The following SNRPN variants were observed in gnomAD, a reference collection of about 807,000 sequenced individuals.
SNRPN encodes small nuclear ribonucleoprotein polypeptide N, also known as small nuclear ribonucleoprotein-associated protein N.
Under a neutral mutation model 25.2 loss-of-function variants are expected in SNRPN, and 7 were observed. The observed-to-expected ratio is 0.28, with a 90% confidence interval of 0.16 to 0.52. The LOEUF (loss-of-function observed/expected upper bound fraction) is 0.52, where lower values mean the gene tolerates loss of function less well. Among genes scored for constraint, SNRPN ranks in the 20% least tolerant of loss-of-function variants. SNRPN has a pLI of 0.96. For synonymous variants in SNRPN, 124 were observed against 110.6 expected, an observed-to-expected ratio of 1.12 and a Z score of -0.76; for missense variants, 196 against 322.5, an observed-to-expected ratio of 0.61 and a Z score of 3.00.
chr15:24,864,339 C>CTTTTTTTTT (rs58622804), intron 1 of SNRPN, among the ~76,000 whole-genome samples: 2 of 117,266 alleles, frequency 1.7e-5, no homozygotes, highest in Non-Finnish European at 3.5e-5. Flanking sequence ...CTCTTCTTTT[C>CTTTTTTTTT]TTTTTTTTTT....
intron 1 of SNRPN, among the ~76,000 whole-genome samples, chr15:24,858,693 C>T (rs937187351): frequency 6.6e-6 from 1 of 151,524 alleles, no homozygotes; most frequent in African/African-American, 2.4e-5. Context: ...CCCAGCTACT[C>T]GGGAGGCTGA....
intron 2 of SNRPN, among the ~76,000 whole-genome samples, chr15:24,966,210 A>G (rs2075606707): frequency 6.6e-6 from 1 of 152,086 alleles, no homozygotes; most frequent in South Asian, 2.1e-4. Flanking sequence ...AGGTCCTACT[A>G]TTTTCTCAGA....
intron 2 of SNRPN, among the ~76,000 whole-genome samples, chr15:24,847,033 G>A (rs935739379): frequency 6.6e-6 from 1 of 151,994 alleles, no homozygotes; most frequent in Non-Finnish European, 1.5e-5. Context: ...GTATTTTCAG[G>A]GTAGAAGCTC....
intron 3 of SNRPN, among the ~76,000 whole-genome samples, chr15:24,925,826 C>T (rs2060341959): frequency 1.3e-5 from 2 of 152,000 alleles, no homozygotes; most frequent in African/African-American, 4.8e-5. Flanking sequence ...ACTGCAAGCT[C>T]TGCCTCCCAG....
intron 1 of SNRPN, among the ~76,000 whole-genome samples, chr15:24,884,481 G>A (rs551066867): frequency 6.6e-6 from 1 of 152,292 alleles, no homozygotes; most frequent in African/African-American, 2.4e-5. Flanking sequence ...AATTCAGGAA[G>A]GCATGAAGTG....
chr15:24,922,800 G>A (rs1463841267), intron 3 of SNRPN, among the ~76,000 whole-genome samples: 1 of 145,474 alleles, frequency 6.9e-6, no homozygotes, highest in Non-Finnish European at 1.5e-5. Flanking sequence ...TTCTCACTGT[G>A]TATGTATACA....
chr15:24,909,763 T>C (rs878901177), intron 2 of SNRPN: 1 of 1,296,786 alleles, frequency 7.7e-7, no homozygotes, highest in Non-Finnish European at 1.1e-6. Flanking sequence ...ATCATCGTCT[T>C]CTAAATTTCA....
At chr15:24,832,623 C>A (rs2050636410) in intron 2 of SNRPN, among the ~76,000 whole-genome samples, 1 of 151,910 alleles carries the variant, frequency 6.6e-6, no homozygotes, top group African/African-American at 2.4e-5. Context: ...CGCTGGGGTC[C>A]CTTTCCACGC....
At chr15:24,832,617 G>A (rs762772636) in intron 2 of SNRPN, among the ~76,000 whole-genome samples, 4 of 151,976 alleles carry the variant, frequency 2.6e-5, no homozygotes, top group Non-Finnish European at 4.4e-5. Context: ...ACAATCCGCT[G>A]GGGTCCCTTT....
At chr15:24,849,216 C>A (rs1436920629) in intron 2 of SNRPN, 1 of 152,318 alleles carries the variant, frequency 6.6e-6, no homozygotes, top group African/African-American at 2.4e-5. Context: ...CAGGCGTGAG[C>A]CACCGCGCTC....
At chr15:24,873,511 A>G (rs577642495) in intron 1 of SNRPN, among the ~76,000 whole-genome samples, 11 of 146,482 alleles carry the variant, frequency 7.5e-5, no homozygotes, top group South Asian at 6.8e-4. Context: ...GCAGTGGTGC[A>G]ATCTTGGCTC....
intron 2 of SNRPN, among the ~76,000 whole-genome samples, chr15:24,887,038 A>G (rs1048703300): frequency 1.3e-5 from 2 of 152,042 alleles, no homozygotes; most frequent in Non-Finnish European, 2.9e-5. Context: ...AGCACTTGGC[A>G]TAGTTACTGA....
At position 24,919,027 on chromosome 15, in the gene SNRPN, A is replaced by G. The variant is rs112454055; in HGVS notation, c.-504-984A>G. On this transcript the variant is annotated intron_variant, in intron 2 of 11. Coordinates refer to the SNRPN transcript ENST00000400097. ...TATATAACATAATATATATGTGCGC[A>G]TATATATATAACATAATATATATGT... Among the ~76,000 whole-genome samples, 245 of 110,946 alleles carry G rather than the reference A, an allele frequency of 2.2e-3. 11 individuals are homozygous for G. The highest frequency in any genetic ancestry group is 0.017 in the Middle Eastern group (3 of 180). The allele number at this position is 110,946 out of a possible 152,430, so 72.8% of individuals were successfully genotyped here. A position where few individuals can be genotyped will look rare whatever the true frequency, so the allele number is the denominator to read the frequency against.
At position 24,974,201 on chromosome 15, in the gene SNRPN, AG is replaced by A. The variant is rs1180460257; in HGVS notation, c.-143-108del. ...CCCTTGGTGAGGAAGCTAGTATGAGAGGAAGGATGTTTTTGAACGTGTCTGT... is the reference window on the plus strand; with the variant it reads ...CCCTTGGTGAGGAAGCTAGTATGAGAGAAGGATGTTTTTGAACGTGTCTGT... On this transcript the variant is annotated intron_variant, in intron 3 of 9. Transcript: ENST00000390687. 1.1e-5 allele frequency: 6 copies of A among 522,406 alleles called. No homozygotes were observed. In the Middle Eastern group the frequency reaches 1.1e-3, roughly 92 times the overall value. 32.4% of individuals were successfully genotyped at this position (522,406 alleles called of 1,614,324 possible). A position where few individuals can be genotyped will look rare whatever the true frequency, so the allele number is the denominator to read the frequency against.
intron 1 of SNRPN, among the ~76,000 whole-genome samples, chr15:24,865,843 G>A (rs879745680): frequency 6.6e-6 from 1 of 152,044 alleles, no homozygotes; most frequent in Non-Finnish European, 1.5e-5. Flanking sequence ...AGATGATAAC[G>A]AGGCATGTCC....
At chr15:24,904,318 A>C (rs77815344) in intron 2 of SNRPN, among the ~76,000 whole-genome samples, 10,054 of 152,164 alleles carry the variant, frequency 0.066, 408 homozygotes, top group Non-Finnish European at 0.096. Context: ...GATGTACAGG[A>C]GTATGTTTTA....
intron 1 of SNRPN, among the ~76,000 whole-genome samples, chr15:24,878,198 T>G (rs915889705): frequency 6.6e-6 from 1 of 152,244 alleles, no homozygotes; most frequent in African/African-American, 2.4e-5. Context: ...TCCAATCTGA[T>G]AGAGAGCTCT....
chr15:24,943,299 C>A (rs562640336), intron 3 of SNRPN, among the ~76,000 whole-genome samples: 1 of 152,266 alleles, frequency 6.6e-6, no homozygotes, highest in East Asian at 1.9e-4. Flanking sequence ...TTCAGAAAGG[C>A]TCTGTAGTGC....
chr15:24,923,926 T>A (rs1207455596), intron 3 of SNRPN, among the ~76,000 whole-genome samples: 3,191 of 22,884 alleles, frequency 0.14, 83 homozygotes, highest in Middle Eastern at 0.22. Context: ...TATAAACATT[T>A]TTTTTTTTTT....
Sources: allele counts gnomAD v4.1 joint callset (sites outside exome capture counted in the v4.1 genomes callset), GRCh38; gene constraint gnomAD v4.1.1; transcripts MANE v1.5; gene names NCBI Gene and HGNC (gene_info 2026-07-23, HGNC 2026-07-21).